Variants in SH3RF3 observed in about 807,000 individuals in gnomAD.
SH3RF3 encodes the protein SH3 domain containing ring finger 3, also known as E3 ubiquitin-protein ligase SH3RF3.
In SH3RF3, 29 loss-of-function variants were observed where a neutral mutation model predicts 66.3. The ratio of observed to expected loss-of-function variants is 0.44; its 90% CI spans 0.33 to 0.60. The LOEUF is 0.60. SH3RF3 is among the 20% of genes least tolerant of loss of function. The probability of loss-of-function intolerance (pLI) is 0.04; values close to 1 mark genes in which losing one functional copy is unlikely to be tolerated. For missense variants in SH3RF3, 1,194 were observed against 1,190.9 expected (o/e 1.00, Z -0.04); for synonymous variants, 583 against 532.0 (o/e 1.10, Z -1.32).
intron 1 of SH3RF3, among the ~76,000 whole-genome samples, chr2:109,222,888 C>T (rs73952895): frequency 0.021 from 3,220 of 152,368 alleles, 134 homozygotes; most frequent in African/African-American, 0.072. Flanking sequence ...AAGGTGTCCG[C>T]GTGTATCCCA....
intron 1 of SH3RF3, among the ~76,000 whole-genome samples, chr2:109,280,118 G>A (rs532010237): frequency 6.6e-6 from 1 of 152,114 alleles, no homozygotes; most frequent in Non-Finnish European, 1.5e-5. Context: ...TGTTTTTTGG[G>A]GGCTCCTCTT....
intron 1 of SH3RF3, among the ~76,000 whole-genome samples, chr2:109,153,939 T>C (rs1327166859): frequency 6.6e-6 from 1 of 152,166 alleles, no homozygotes. Context: ...AATTATAAAA[T>C]TATTAAGAAT....
intron 1 of SH3RF3, among the ~76,000 whole-genome samples, chr2:109,223,643 G>A (rs1282069065): frequency 6.6e-6 from 1 of 152,098 alleles, no homozygotes; most frequent in Non-Finnish European, 1.5e-5. Flanking sequence ...TCCCTGGGTA[G>A]CCCTGCACCT....
At chr2:109,159,797 AG>A (rs979936874) in intron 1 of SH3RF3, among the ~76,000 whole-genome samples, 3 of 152,204 alleles carry the variant, frequency 2.0e-5, no homozygotes, top group Admixed American at 2.0e-4. Context: ...CGGGGGATTT[AG>A]GTTTCACACT....
At chr2:109,350,896 A>G (rs535767276) in intron 2 of SH3RF3, among the ~76,000 whole-genome samples, 3 of 152,354 alleles carry the variant, frequency 2.0e-5, no homozygotes, top group East Asian at 1.9e-4. Context: ...GAAAGCTACA[A>G]TGGTATAACC....
At chr2:109,478,284 A>T (rs1312812240) in intron 8 of SH3RF3, among the ~76,000 whole-genome samples, 2 of 152,142 alleles carry the variant, frequency 1.3e-5, no homozygotes, top group Non-Finnish European at 2.9e-5. Context: ...TGTCCCTGTG[A>T]TACATTCAAA....
intron 2 of SH3RF3, among the ~76,000 whole-genome samples, chr2:109,369,768 G>A (rs1384939824): frequency 6.6e-6 from 1 of 152,164 alleles, no homozygotes; most frequent in Non-Finnish European, 1.5e-5. Flanking sequence ...GCCTCAACTC[G>A]GATGGACACC....
intron 2 of SH3RF3, 141 bp downstream of exon 2, chr2:109,348,090 AC>A: frequency 1.7e-6 from 2 of 1,192,194 alleles, no homozygotes; most frequent in Non-Finnish European, 2.3e-6. Flanking sequence ...TGGGCAAATG[AC>A]CCAGCCTCCC....
chr2:109,382,618 C>T (rs1244387258), intron 3 of SH3RF3, among the ~76,000 whole-genome samples: 2 of 152,216 alleles, frequency 1.3e-5, no homozygotes, highest in East Asian at 3.9e-4. Flanking sequence ...TCCTTTGGAA[C>T]ACCGAGCCCT....
At chr2:109,247,811 G>T (rs1038744428) in intron 1 of SH3RF3, among the ~76,000 whole-genome samples, 2 of 152,146 alleles carry the variant, frequency 1.3e-5, no homozygotes, top group African/African-American at 4.8e-5. Flanking sequence ...TGTTGGCTGG[G>T]GTTACTGGGG....
chr2:109,471,726 G>C (rs1573280077), intron 8 of SH3RF3, among the ~76,000 whole-genome samples: 2 of 152,296 alleles, frequency 1.3e-5, no homozygotes, highest in Middle Eastern at 3.4e-3. Flanking sequence ...TGCTGTCTCA[G>C]CCTCACATAC....
At chr2:109,161,806 T>C (rs1228202333) in intron 1 of SH3RF3, among the ~76,000 whole-genome samples, 1 of 151,926 alleles carries the variant, frequency 6.6e-6, no homozygotes, top group East Asian at 1.9e-4. Context: ...GGCATTAATC[T>C]ATTCATAGGG....
chr2:109,130,053 G>A lies in SH3RF3; in HGVS notation c.513G>A (p.Ala171=). 9 of 1,367,036 alleles carry A rather than the reference G, an allele frequency of 6.6e-6. No individual in the cohort carries two copies. Among genetic ancestry groups the A allele is most frequent in the Non-Finnish European group, 6.6e-6 (7 of 1,061,984 alleles). The allele number at this position is 1,367,036 out of a possible 1,614,324, so 84.7% of individuals were successfully genotyped here. A position where few individuals can be genotyped will look rare whatever the true frequency, so the allele number is the denominator to read the frequency against. Residue 171 remains alanine, a synonymous_variant, in exon 1 of 10, where the codon GCG becomes GCA. Coordinates refer to ENST00000309415, the MANE Select transcript of SH3RF3 (RefSeq NM_001099289.3). ...PGSPVFLSAA[A]GSTAGSLREL... is the part of the protein sequence containing the mutation. The stretch of plus-strand genomic sequence containing the variant: ...CCCCGGTTTTCCTCTCCGCGGCCGC[G>A]GGCAGCACCGCCGGCAGTCTGCGGG...
chr2:109,130,765 A>T (rs4676246), intron 1 of SH3RF3, among the ~76,000 whole-genome samples: 111,103 of 152,022 alleles, frequency 0.73, 43,454 homozygotes, highest in Non-Finnish European at 0.89. Context: ...GGTCATTTAT[A>T]TTTATTATTA....
At chr2:109,437,917 T>TG (rs1362651144) in intron 7 of SH3RF3, among the ~76,000 whole-genome samples, 1 of 152,114 alleles carries the variant, frequency 6.6e-6, no homozygotes, top group Non-Finnish European at 1.5e-5. Context: ...GAGCCAGTGA[T>TG]GCTGACATGA....
chr2:109,140,660 C>T (rs537568681), intron 1 of SH3RF3, among the ~76,000 whole-genome samples: 75 of 152,288 alleles, frequency 4.9e-4, no homozygotes, highest in African/African-American at 1.6e-3. Flanking sequence ...GGATTACAGG[C>T]GTGAGCCACC....
intron 9 of SH3RF3, among the ~76,000 whole-genome samples, chr2:109,498,088 G>A (rs1679297654): frequency 1.3e-5 from 2 of 152,148 alleles, no homozygotes; most frequent in South Asian, 2.1e-4. Flanking sequence ...TTGAAGGAGG[G>A]CCAGCAGGAA....
intron 1 of SH3RF3, among the ~76,000 whole-genome samples, chr2:109,132,516 C>A (rs1007664754): frequency 4.6e-5 from 7 of 152,116 alleles, no homozygotes; most frequent in African/African-American, 1.7e-4. Flanking sequence ...TGAGATAAAG[C>A]GCTTTTGTGG....
chr2:109,323,420 A>C (rs1322864752), intron 1 of SH3RF3, among the ~76,000 whole-genome samples: 1 of 152,260 alleles, frequency 6.6e-6, no homozygotes, highest in Non-Finnish European at 1.5e-5. Flanking sequence ...AAACACACAT[A>C]TGCACATACT....
Sources: gnomAD v4.1 joint callset for allele counts (sites outside exome capture counted in the v4.1 genomes callset) on GRCh38, gnomAD v4.1.1 for gene constraint, MANE v1.5 for transcripts, NCBI Gene and HGNC (gene_info 2026-07-23, HGNC 2026-07-21) for gene names.